PLA2G4A: variants seen among roughly 807,000 people sequenced by gnomAD.
PLA2G4A encodes the protein phospholipase A2 group IVA.
PLA2G4A carries 40 observed loss-of-function variants against 81.9 expected under a neutral mutation model. The observed-to-expected ratio is 0.49, with a 90% CI of 0.38 to 0.64. The LOEUF (loss-of-function observed/expected upper bound fraction) is 0.64. Ranked by LOEUF, PLA2G4A falls within the 30% of genes least tolerant of loss-of-function variation. PLA2G4A has a pLI of 0.00. For missense variants in PLA2G4A, 715 were observed against 905.1 expected, an observed-to-expected ratio of 0.79 and a Z score of 2.69; for synonymous variants, 302 against 296.9, an observed-to-expected ratio of 1.02 and a Z score of -0.18.
At chr1:186,961,126 A>T (rs541121438) in intron 14 of PLA2G4A, among the ~76,000 whole-genome samples, 1 of 151,374 alleles carries the variant, frequency 6.6e-6, no homozygotes, top group Non-Finnish European at 1.5e-5. Flanking sequence ...AATCTAAAAA[A>T]GTTGAACTCA....
At chr1:186,928,881 T>A (rs762435491) in intron 7 of PLA2G4A, among the ~76,000 whole-genome samples, 1 of 152,192 alleles carries the variant, frequency 6.6e-6, no homozygotes, top group Non-Finnish European at 1.5e-5. Context: ...TATATCTAAA[T>A]ACTGGTGATA....
At chr1:186,840,060 C>G (rs1395502122) in intron 1 of PLA2G4A, among the ~76,000 whole-genome samples, 1 of 145,474 alleles carries the variant, frequency 6.9e-6, no homozygotes, top group Non-Finnish European at 1.5e-5. Flanking sequence ...ACTGCAACCT[C>G]TGCCTCCCAA....
chr1:186,911,210 G>A (rs777782135), intron 6 of PLA2G4A, 38 bp from the exon 7 acceptor site: 2 of 1,599,780 alleles, frequency 1.3e-6, no homozygotes, highest in Admixed American at 1.7e-5. Flanking sequence ...AGACCACTGG[G>A]AGCACTGGCT....
At chr1:186,865,171 G>A (rs1652981621) in intron 2 of PLA2G4A, among the ~76,000 whole-genome samples, 1 of 150,688 alleles carries the variant, frequency 6.6e-6, no homozygotes, top group African/African-American at 2.4e-5. Flanking sequence ...TTGTTCAAGG[G>A]GAGAAGAATC....
At chr1:186,898,096 T>C (rs1245832699) in intron 5 of PLA2G4A, among the ~76,000 whole-genome samples, 2 of 152,272 alleles carry the variant, frequency 1.3e-5, no homozygotes, top group South Asian at 4.1e-4. Context: ...AAGCTTCCAA[T>C]TCCTCTCATT....
intron 16 of PLA2G4A, 112 bp downstream of exon 16, chr1:186,977,900 C>A: frequency 1.3e-6 from 1 of 765,556 alleles, no homozygotes; most frequent in Non-Finnish European, 2.4e-6. Context: ...CTATTGAATG[C>A]TTCCCTTACC....
chr1:186,928,408 C>G (rs950065978), intron 7 of PLA2G4A, among the ~76,000 whole-genome samples: 6 of 152,130 alleles, frequency 3.9e-5, no homozygotes, highest in Non-Finnish European at 8.8e-5. Context: ...TGGGCCTCAT[C>G]CAATCTGTTC....
chr1:186,970,991 C>T (rs1199844986), intron 15 of PLA2G4A, among the ~76,000 whole-genome samples: 1 of 151,586 alleles, frequency 6.6e-6, no homozygotes, highest in Non-Finnish European at 1.5e-5. Context: ...CTGTAGATTG[C>T]TTTGGGTAGT....
chr1:186,887,027 A>G (rs897013892), intron 3 of PLA2G4A, among the ~76,000 whole-genome samples: 2 of 152,130 alleles, frequency 1.3e-5, no homozygotes, highest in Non-Finnish European at 2.9e-5. Flanking sequence ...AAGGTTCTGC[A>G]TTTTTAACGG....
At chr1:186,904,108 T>C (rs1654645723) in intron 5 of PLA2G4A, among the ~76,000 whole-genome samples, 1 of 152,214 alleles carries the variant, frequency 6.6e-6, no homozygotes, top group Non-Finnish European at 1.5e-5. Context: ...CTCCTCCAGT[T>C]CTCCACACTC....
chr1:186,946,029 TA>T (rs1164946353), intron 10 of PLA2G4A, among the ~76,000 whole-genome samples: 1 of 152,098 alleles, frequency 6.6e-6, no homozygotes, highest in African/African-American at 2.4e-5. Context: ...GCACAGCTCA[TA>T]AGCAGCAAAA....
chr1:186,880,144 G>A (rs1217994324), intron 3 of PLA2G4A, among the ~76,000 whole-genome samples: 1 of 152,016 alleles, frequency 6.6e-6, no homozygotes, highest in African/African-American at 2.4e-5. Flanking sequence ...TGAGCAGTGT[G>A]TGGGGTAAGT....
intron 6 of PLA2G4A, 96 bp from the exon 7 acceptor site, chr1:186,911,152 A>G: frequency 1.1e-6 from 1 of 933,694 alleles, no homozygotes; most frequent in Non-Finnish European, 1.8e-6. Context: ...GTCAGCATAT[A>G]TCAGTGTAGC....
intron 7 of PLA2G4A, among the ~76,000 whole-genome samples, chr1:186,932,137 A>G (rs576123802): frequency 4.3e-4 from 66 of 152,282 alleles, no homozygotes; most frequent in Non-Finnish European, 7.1e-4. Context: ...AAATAAGACA[A>G]TGTCCCTGAA....
intron 13 of PLA2G4A, among the ~76,000 whole-genome samples, chr1:186,953,934 C>A (rs951569751): frequency 4.2e-5 from 6 of 141,372 alleles, no homozygotes; most frequent in Admixed American, 1.4e-4. Flanking sequence ...CACTTTAAAG[C>A]CTGAATTGTT....
chr1:186,913,017 C>G (rs1655018445), intron 7 of PLA2G4A, among the ~76,000 whole-genome samples: 1 of 150,526 alleles, frequency 6.6e-6, no homozygotes. Flanking sequence ...TGCCATAAAT[C>G]TTGTTAATGA....
chr1:186,934,441 C>CATATAT (rs1209342571), intron 8 of PLA2G4A, among the ~76,000 whole-genome samples: 4 of 4,020 alleles, frequency 1.0e-3, no homozygotes, highest in African/African-American at 2.1e-3. Context: ...TTTAAATGTG[C>CATATAT]ACATATATAT....
intron 3 of PLA2G4A, among the ~76,000 whole-genome samples, chr1:186,871,690 G>C (rs1323924084): frequency 6.6e-6 from 1 of 152,052 alleles, no homozygotes; most frequent in Non-Finnish European, 1.5e-5. Context: ...ATGAGACTAG[G>C]ATGATAAGCC....
chr1:186,940,242 T>A lies in PLA2G4A; in HGVS notation c.1033+148T>A, dbSNP rs145418197. The A allele has an allele frequency of 1.2e-3, 805 of 655,130 alleles. 6 individuals are homozygous for A. The highest frequency in any genetic ancestry group is 5.1e-3 in the South Asian group (307 of 59,866). 40.6% of individuals were successfully genotyped at this position (655,130 alleles called of 1,614,324 possible). A position where few individuals can be genotyped will look rare whatever the true frequency, so the allele number is the denominator to read the frequency against. On this transcript the variant is annotated intron_variant, in intron 10 of 17. Coordinates refer to ENST00000367466, the MANE Select transcript of PLA2G4A (RefSeq NM_024420.3). ...AAGACTTTGAAGATATAAGAAAATA[T>A]TAAGTGAGATGATTTCCTGGTTGTA...
Sources: allele counts gnomAD v4.1 joint callset (sites outside exome capture counted in the v4.1 genomes callset), GRCh38; gene constraint gnomAD v4.1.1; transcripts MANE v1.5; gene names NCBI Gene and HGNC (gene_info 2026-07-23, HGNC 2026-07-21).